Variants in EXD3 observed in about 807,000 individuals in gnomAD.
EXD3 encodes the protein exonuclease 3'-5' domain containing 3, also known as exonuclease mut-7 homolog.
In EXD3, 92 loss-of-function variants were observed where a neutral mutation model predicts 98.0. The ratio of observed to expected loss-of-function variants is 0.94; its 90% CI spans 0.79 to 1.12. The LOEUF is 1.12. EXD3 is among the 50% of genes most tolerant of loss of function. The pLI, the probability that EXD3 is intolerant of heterozygous loss-of-function variation, is 0.00. For synonymous variants in EXD3, 569 were observed against 526.0 expected, an observed-to-expected ratio of 1.08 and a Z score of -1.12; for missense variants, 1,222 against 1,191.6, an observed-to-expected ratio of 1.03 and a Z score of -0.38.
At chr9:137,332,068 A>G (rs1020125582) in intron 17 of EXD3, among the ~76,000 whole-genome samples, 1 of 152,214 alleles carries the variant, frequency 6.6e-6, no homozygotes, top group Non-Finnish European at 1.5e-5. Context: ...ACTACAAAAT[A>G]CTGCTGAAAG....
Position 137,356,372 on chromosome 9 carries a change from T to TG in EXD3, c.657-5dup, listed in dbSNP as rs769474808. 5.7e-6 allele frequency: 9 copies of TG among 1,571,678 alleles called. No individual in the cohort carries two copies. The highest frequency in any genetic ancestry group is 6.9e-6 in the Non-Finnish European group (8 of 1,151,722). ...GGAGGTCACCTCAGGGTACCGTCTG[T>TG]GGGGAGAGAGAGGCACAGCCTCTGT... is the stretch of plus-strand genomic sequence containing the variant. On this transcript the variant is annotated splice_polypyrimidine_tract_variant and splice_region_variant and intron_variant, in intron 7 of 21. Coordinates refer to ENST00000340951, the MANE Select transcript of EXD3 (RefSeq NM_017820.5).
At chr9:137,374,106 AT>A (rs1416538216) in intron 3 of EXD3, among the ~76,000 whole-genome samples, 2 of 152,276 alleles carry the variant, frequency 1.3e-5, no homozygotes, top group African/African-American at 4.8e-5. Flanking sequence ...CTTCCGGAAG[AT>A]TCTACAGCAA....
intron 1 of EXD3, among the ~76,000 whole-genome samples, chr9:137,410,187 A>AAATT (rs1837927513): frequency 6.6e-6 from 1 of 151,934 alleles, no homozygotes. Flanking sequence ...AAAAACAAAA[A>AAATT]TAATTAACAA....
At chr9:137,339,285 A>G (rs1166753632) in intron 17 of EXD3, among the ~76,000 whole-genome samples, 1 of 152,150 alleles carries the variant, frequency 6.6e-6, no homozygotes, top group African/African-American at 2.4e-5. Context: ...AAACTTCCCA[A>G]TGTATTTATG....
rs376767842 is a variant in EXD3 at position 137,349,229 on chromosome 9, C to T, written c.1711G>A (p.Ala571Thr). The T allele has an allele frequency of 2.3e-5, 37 of 1,576,824 alleles. No individual in the cohort carries two copies. The highest frequency in any genetic ancestry group is 6.7e-5 in the African/African-American group (5 of 74,366). The change falls in exon 16 of 22, where the codon GCC becomes ACC. Residue 571 changes from alanine (A) to threonine (T), a missense_variant. Transcript: ENST00000340951. The surrounding 1 kb of genome is among the most constrained non-coding windows in gnomAD (Gnocchi z 7.4). ...EVHQALCREP[A>T]RFHLSEDLAG... ...AGGTCCTCCGACAGGTGGAAGCGGG[C>T]GGGCTCTCTGCACAGGGCTTGGTGC...
At chr9:137,352,945 C>G in intron 10 of EXD3, 159 bp from the exon 11 acceptor site, 2 of 1,420,932 alleles carry the variant, frequency 1.4e-6, no homozygotes, top group Non-Finnish European at 1.8e-6. Context: ...TCTGTCCTGC[C>G]TGAGGTCAAG....
rs920616797 is a variant in EXD3 at position 137,330,379 on chromosome 9, C to T, written c.1999-6236G>A. On this transcript the variant is annotated intron_variant, in intron 17 of 21. Transcript: ENST00000340951. ...ACACAGGAGCTACACAGGAGCTACACAGGACTACACAGGAGCTACACAGGG... is the reference window on the plus strand; with the variant it reads ...ACACAGGAGCTACACAGGAGCTACATAGGACTACACAGGAGCTACACAGGG... 3.5e-5 allele frequency among the ~76,000 whole-genome samples: 5 copies of T among 142,508 alleles called. 1 individual carries two copies. The highest frequency in any genetic ancestry group is 1.1e-4 in the African/African-American group (4 of 36,646). The allele number at this position is 142,508 out of a possible 152,430, so 93.5% of individuals were successfully genotyped here.
intron 17 of EXD3, among the ~76,000 whole-genome samples, chr9:137,330,807 AC>A (rs1485886572): frequency 6.6e-6 from 1 of 152,264 alleles, no homozygotes; most frequent in Non-Finnish European, 1.5e-5. Flanking sequence ...CAATTAAAGA[AC>A]AAGGAAAATT....
Position 137,323,715 on chromosome 9 carries a change from C to T in EXD3, c.2184+10G>A, listed in dbSNP as rs962617902. 4 of 1,611,284 alleles carry T rather than the reference C, an allele frequency of 2.5e-6. No individual in the cohort carries two copies. Among genetic ancestry groups the T allele is most frequent in the Non-Finnish European group, 3.4e-6 (4 of 1,179,182 alleles). On this transcript the variant is annotated intron_variant, in intron 19 of 21. Coordinates refer to ENST00000340951, the MANE Select transcript of EXD3 (RefSeq NM_017820.5). ...CCAGCCCCAGGTAGGACGGGGTGCG[C>T]AGGACCCACCTGGCAGCGGCTGAAG... is the stretch of plus-strand genomic sequence containing the variant.
chr9:137,346,392 A>C (rs916160434), intron 17 of EXD3, among the ~76,000 whole-genome samples: 5 of 152,074 alleles, frequency 3.3e-5, no homozygotes, highest in South Asian at 2.1e-4. Context: ...CTCTCCATGA[A>C]GAATAAATAC....
Position 137,336,368 on chromosome 9 carries a change from T to C in EXD3, c.1998+11703A>G, listed in dbSNP as rs1833351466. Among the ~76,000 whole-genome samples, 3 of 152,186 alleles carry C rather than the reference T, an allele frequency of 2.0e-5. No homozygotes were observed. In the South Asian group the frequency reaches 6.2e-4, roughly 32 times the overall value. On this transcript the variant is annotated intron_variant, in intron 17 of 21. Coordinates refer to ENST00000340951, the MANE Select transcript of EXD3 (RefSeq NM_017820.5). The stretch of plus-strand genomic sequence containing the variant: ...ATATCGTTAACTCAAATATACGTGT[T>C]AACATTTCTCGGCCATGTGTGGTGG...
intron 17 of EXD3, chr9:137,343,195 T>C (rs1833738825): frequency 6.6e-6 from 1 of 152,282 alleles, no homozygotes; most frequent in Non-Finnish European, 1.5e-5. Flanking sequence ...TGGATAGGAC[T>C]GGCCAAGTGG....
At chr9:137,399,020 C>T (rs1266042681) in intron 1 of EXD3, among the ~76,000 whole-genome samples, 1 of 152,120 alleles carries the variant, frequency 6.6e-6, no homozygotes, top group East Asian at 1.9e-4. Flanking sequence ...GTAACACGTG[C>T]ACACCGACAT....
intron 5 of EXD3, among the ~76,000 whole-genome samples, chr9:137,368,897 G>A (rs1327381460): frequency 1.3e-5 from 2 of 149,164 alleles, no homozygotes; most frequent in African/African-American, 4.9e-5. Context: ...CCGGGGCGGG[G>A]CCCCAGGGCT....
intron 1 of EXD3, among the ~76,000 whole-genome samples, chr9:137,404,042 G>T (rs1837601911): frequency 6.6e-6 from 1 of 152,014 alleles, no homozygotes; most frequent in Non-Finnish European, 1.5e-5. Context: ...TGGGGAGGGT[G>T]GGCCCCACTC....
rs114823899 is a variant in EXD3, at chr9:137,371,783, C to T, written c.462+1122G>A. ...AGGACATCCCCTGGCAGGACACCCC[C>T]GGGCTTCTTTGCCGCACCTCGTGCT... On this transcript the variant is annotated intron_variant, in intron 5 of 21. Transcript: ENST00000340951. This position sits in a 1 kb window ranked among gnomAD's most constrained non-coding sequence, Gnocchi z 8.0. 0.016 allele frequency among the ~76,000 whole-genome samples: 2,387 copies of T among 152,080 alleles called. 65 individuals carry two copies. Among genetic ancestry groups the T allele is most frequent in the African/African-American group, 0.054 (2,227 of 41,492 alleles).
At chr9:137,417,067 G>T (rs1426543799) in intron 1 of EXD3, among the ~76,000 whole-genome samples, 1 of 152,236 alleles carries the variant, frequency 6.6e-6, no homozygotes, top group Non-Finnish European at 1.5e-5. Context: ...GGCGGCAACG[G>T]CAGGAGAGGG....
At chr9:137,358,673 C>T (rs1434755709) in intron 7 of EXD3, among the ~76,000 whole-genome samples, 2 of 152,156 alleles carry the variant, frequency 1.3e-5, no homozygotes, top group Admixed American at 6.6e-5. Flanking sequence ...GTAACTCCTA[C>T]TTAAAACTTT....
chr9:137,321,763 GC>G (rs1832043720), intron 19 of EXD3, among the ~76,000 whole-genome samples: 1 of 152,294 alleles, frequency 6.6e-6, no homozygotes, highest in African/African-American at 2.4e-5. Flanking sequence ...TATTGATGTG[GC>G]CCTAACTGCG....
Sources: allele counts gnomAD v4.1 joint callset (sites outside exome capture counted in the v4.1 genomes callset), GRCh38; gene constraint gnomAD v4.1.1; non-coding constraint Gnocchi (gnomAD v3.1); transcripts MANE v1.5; gene names NCBI Gene and HGNC (gene_info 2026-07-23, HGNC 2026-07-21).